PRDM1: variants seen among roughly 807,000 people sequenced by gnomAD.
PRDM1 encodes the protein PR/SET domain 1, also known as PR domain zinc finger protein 1.
In PRDM1, 13 loss-of-function variants were observed where a neutral mutation model predicts 62.8. The ratio of observed to expected loss-of-function variants is 0.21; its 90% confidence interval spans 0.13 to 0.33. The LOEUF (loss-of-function observed/expected upper bound fraction) is 0.33, where lower values mean the gene tolerates loss of function less well. Among genes scored for constraint, PRDM1 ranks in the 10% least tolerant of loss-of-function variants. The pLI, the probability that PRDM1 is intolerant of heterozygous loss-of-function variation, is 1.00. For missense variants in PRDM1, 895 were observed against 1,058.8 expected (o/e 0.85, Z 2.15); for synonymous variants, 396 against 417.6 (o/e 0.95, Z 0.63).
chr6:106,096,850 T>C (rs1331542895), intron 3 of PRDM1, among the ~76,000 whole-genome samples: 1 of 152,228 alleles, frequency 6.6e-6, no homozygotes, highest in African/African-American at 2.4e-5. Context: ...AAGAATTTAG[T>C]AAGCGTTTTT....
rs1289477900 is a variant in PRDM1 at position 106,105,498 on chromosome 6, C to G, written c.1338C>G (p.Val446=). The stretch of plus-strand genomic sequence containing the variant: ...GCCTCTTCCCGAGGCTGTGCCCTGT[C>G]TACAGCAATCTCCTCGGTGGGGGCA... ...NFGLFPRLCP[V]YSNLLGGGSL... The change falls in exon 5 of 7, where the codon GTC becomes GTG. Residue 446 remains valine (V), a synonymous_variant. Transcript: ENST00000369096. The G allele has an allele frequency of 6.2e-7, 1 of 1,613,944 alleles. No individual in the cohort carries two copies. The highest frequency in any genetic ancestry group is 1.3e-5 in the African/African-American group (1 of 74,924).
At chr6:106,087,278 A>T (rs1263957714) in intron 1 of PRDM1, among the ~76,000 whole-genome samples, 1 of 152,178 alleles carries the variant, frequency 6.6e-6, no homozygotes, top group East Asian at 1.9e-4. Flanking sequence ...CAAGTCTTCT[A>T]AATTTGTTAT....
At chr6:106,073,878 C>T (rs1366413206) in intron 1 of PRDM1, among the ~76,000 whole-genome samples, 1 of 152,052 alleles carries the variant, frequency 6.6e-6, no homozygotes, top group East Asian at 1.9e-4. Context: ...AAGCATATAC[C>T]CTCAGTGAGG....
chr6:105,998,919 ATATATATATATATATTTTTTTTTTTT>A (rs1463126545), intron 1 of PRDM1, among the ~76,000 whole-genome samples: 184 of 4,788 alleles, frequency 0.038, 2 homozygotes, highest in African/African-American at 0.076. Context: ...ATATATATAT[ATATATATATATATATTTTTTTTTTTT>A]TTTTTCTTTT....
intron 1 of PRDM1, among the ~76,000 whole-genome samples, chr6:106,033,510 C>G (rs1277183224): frequency 6.6e-6 from 1 of 151,988 alleles, no homozygotes; most frequent in South Asian, 2.1e-4. Context: ...GAGATGAGAT[C>G]TTGGTCTGTT....
intron 1 of PRDM1, among the ~76,000 whole-genome samples, chr6:106,021,240 A>C (rs1772693327): frequency 6.6e-6 from 1 of 152,220 alleles, no homozygotes; most frequent in Admixed American, 6.5e-5. Flanking sequence ...CTTTTTAAAA[A>C]GTACTTCTAG....
chr6:106,067,000 T>C (rs1284447364), intron 1 of PRDM1, among the ~76,000 whole-genome samples: 2 of 150,320 alleles, frequency 1.3e-5, no homozygotes, highest in East Asian at 1.9e-4. Flanking sequence ...TTAGTGCTAT[T>C]ATTATCTCCA....
intron 1 of PRDM1, among the ~76,000 whole-genome samples, chr6:106,058,244 G>C (rs1481073320): frequency 2.0e-5 from 3 of 152,138 alleles, no homozygotes; most frequent in Admixed American, 1.3e-4. Context: ...CCAAGATCAG[G>C]GTCCAGCCAA....
chr6:106,106,074 CT>C lies in PRDM1; in HGVS notation c.1773+145del, dbSNP rs1306253513. On this transcript the variant is annotated intron_variant, in intron 5 of 6. Transcript: ENST00000369096. The surrounding 1 kb of genome is among the most constrained non-coding windows in gnomAD (Gnocchi z 4.4). ...GATAGTGGGTATGGATTCCGCCTGG[CT>C]TTTGCCACTTCTAGCTCTTTGACTT... is the stretch of plus-strand genomic sequence containing the variant. 1 of 1,301,598 alleles carries C rather than the reference CT, an allele frequency of 7.7e-7. No individual in the cohort carries two copies. Among genetic ancestry groups the C allele is most frequent in the African/African-American group, 1.5e-5 (1 of 66,572 alleles). The allele number at this position is 1,301,598 out of a possible 1,614,324, so 80.6% of individuals were successfully genotyped here.
At chr6:106,068,352 A>C (rs1353182292) in intron 1 of PRDM1, among the ~76,000 whole-genome samples, 5 of 152,078 alleles carry the variant, frequency 3.3e-5, no homozygotes, top group Non-Finnish European at 7.4e-5. Flanking sequence ...TTGGCCTCCC[A>C]AAGTGCTGGG....
At chr6:106,100,077 A>G (rs978260567) in intron 4 of PRDM1, 17 of 153,850 alleles carry the variant, frequency 1.1e-4, no homozygotes, top group African/African-American at 4.1e-4. Context: ...CCTTCCTTAC[A>G]GTAAAAAAAC....
At chr6:106,012,274 A>G (rs1045245543) in intron 1 of PRDM1, among the ~76,000 whole-genome samples, 1 of 146,462 alleles carries the variant, frequency 6.8e-6, no homozygotes, top group Admixed American at 6.8e-5. Flanking sequence ...CTCCACATTC[A>G]CACACACCAC....
chr6:106,073,097 C>G (rs1773545176), intron 1 of PRDM1, among the ~76,000 whole-genome samples: 1 of 149,560 alleles, frequency 6.7e-6, no homozygotes, highest in Admixed American at 6.7e-5. Context: ...CTCTCAATTT[C>G]CTCTTTTCTT....
chr6:106,109,478 A>C lies in PRDM1; in HGVS notation c.*1992A>C, dbSNP rs901159482. 1 of 233,566 alleles carries C rather than the reference A, an allele frequency of 4.3e-6. No individual in the cohort carries two copies. Among genetic ancestry groups the C allele is most frequent in the Non-Finnish European group, 8.5e-6 (1 of 117,972 alleles). 14.5% of individuals were successfully genotyped at this position (233,566 alleles called of 1,614,324 possible). ...AACTAATGTTCACCTGTAGAAGAGA[A>C]CAAATTTCGAATAATCCAGGGAAAC... On this transcript the variant is annotated 3_prime_UTR_variant, in exon 7 of 7. Transcript: ENST00000369096.
rs986071043 is a variant in PRDM1, at chr6:106,108,500, T to G, written c.*1014T>G. On this transcript the variant is annotated 3_prime_UTR_variant, in exon 7 of 7. Transcript: ENST00000369096. ...TTTGGGGGCTTGAGTCTGGGTGGTG[T>G]TTTGTTGTTGGTTTTTGTTGCTTTT... 2.6e-5 allele frequency: 6 copies of G among 231,270 alleles called. No homozygotes were observed. Among genetic ancestry groups the G allele is most frequent in the Admixed American group, 2.3e-4 (4 of 17,422 alleles). 14.3% of individuals were successfully genotyped at this position (231,270 alleles called of 1,614,324 possible).
chr6:106,033,320 T>G (rs985312922), intron 1 of PRDM1, among the ~76,000 whole-genome samples: 56 of 150,932 alleles, frequency 3.7e-4, no homozygotes, highest in African/African-American at 9.7e-4. Context: ...AATATTAGTT[T>G]TTTTTTTTTT....
At chr6:106,102,241 C>A (rs1404162382) in intron 4 of PRDM1, among the ~76,000 whole-genome samples, 1 of 152,208 alleles carries the variant, frequency 6.6e-6, no homozygotes, top group Non-Finnish European at 1.5e-5. Context: ...GATTTCAGAA[C>A]AAAAACAGAT....
chr6:106,078,692 C>A (rs6913893), intron 1 of PRDM1, among the ~76,000 whole-genome samples: 1 of 151,908 alleles, frequency 6.6e-6, no homozygotes, highest in Non-Finnish European at 1.5e-5. Flanking sequence ...GGCAACATGG[C>A]GAAACCCTGT....
chr6:106,059,985 A>T (rs1317971476), intron 1 of PRDM1, among the ~76,000 whole-genome samples: 1 of 152,200 alleles, frequency 6.6e-6, no homozygotes, highest in Non-Finnish European at 1.5e-5. Context: ...ATTAAGATTG[A>T]TATGTCCATA....
Sources: gnomAD v4.1 joint callset for allele counts (sites outside exome capture counted in the v4.1 genomes callset) on GRCh38, gnomAD v4.1.1 for gene constraint, Gnocchi (gnomAD v3.1) non-coding constraint, MANE v1.5 for transcripts, NCBI Gene and HGNC (gene_info 2026-07-23, HGNC 2026-07-21) for gene names.